The following NKAIN2 variants were observed in gnomAD, a reference collection of about 807,000 sequenced individuals.
NKAIN2 encodes the protein sodium/potassium transporting ATPase interacting 2, also known as sodium/potassium-transporting ATPase subunit beta-1-interacting protein 2.
Under a neutral mutation model 32.6 loss-of-function variants are expected in NKAIN2, and 14 were observed. The observed-to-expected ratio is 0.43, with a 90% confidence interval of 0.28 to 0.67. The LOEUF (loss-of-function observed/expected upper bound fraction) is 0.67. Among genes scored for constraint, NKAIN2 ranks in the 30% least tolerant of loss-of-function variants. NKAIN2 has a pLI of 0.17. For missense variants in NKAIN2, 198 were observed against 258.3 expected, an observed-to-expected ratio of 0.77 and a Z score of 1.60; for synonymous variants, 80 against 87.2, an observed-to-expected ratio of 0.92 and a Z score of 0.46.
chr6:124,408,602 T>C (rs1309519354), intron 3 of NKAIN2, among the ~76,000 whole-genome samples: 1 of 152,206 alleles, frequency 6.6e-6, no homozygotes, highest in African/African-American at 2.4e-5. Context: ...TACTGTAGCC[T>C]TGTAGTAAAG....
intron 1 of NKAIN2, among the ~76,000 whole-genome samples, chr6:123,960,533 G>C (rs903245031): frequency 1.3e-5 from 2 of 151,704 alleles, no homozygotes; most frequent in African/African-American, 4.8e-5. Context: ...ACCTCCTTGA[G>C]CCATTCTTGA....
intron 3 of NKAIN2, among the ~76,000 whole-genome samples, chr6:124,570,957 G>A (rs1036784642): frequency 6.6e-6 from 1 of 152,160 alleles, no homozygotes; most frequent in Non-Finnish European, 1.5e-5. Flanking sequence ...AGGCAGAGCT[G>A]CCCAAGACCA....
At chr6:124,461,236 ACT>A (rs1384004944) in intron 3 of NKAIN2, among the ~76,000 whole-genome samples, 1 of 151,606 alleles carries the variant, frequency 6.6e-6, no homozygotes, top group East Asian at 1.9e-4. Context: ...GTATAAAATG[ACT>A]CTACAAAATT....
At chr6:124,466,595 G>T in intron 3 of NKAIN2, among the ~76,000 whole-genome samples, 1 of 151,910 alleles carries the variant, frequency 6.6e-6, no homozygotes, top group East Asian at 1.9e-4. Context: ...AGAGTCTGAA[G>T]ATGAGAATTA....
At chr6:124,167,331 G>C (rs2114482223) in intron 1 of NKAIN2, among the ~76,000 whole-genome samples, 1 of 150,928 alleles carries the variant, frequency 6.6e-6, no homozygotes, top group South Asian at 2.1e-4. Context: ...TCTGTTATTG[G>C]TGTATAAGAA....
intron 1 of NKAIN2, among the ~76,000 whole-genome samples, chr6:123,810,229 G>A (rs567160957): frequency 1.5e-4 from 23 of 151,936 alleles, no homozygotes; most frequent in Non-Finnish European, 2.6e-4. Flanking sequence ...ATTCAAACCC[G>A]GGTCTGTCTG....
chr6:123,814,815 G>T (rs1223900485), intron 1 of NKAIN2, among the ~76,000 whole-genome samples: 1 of 152,116 alleles, frequency 6.6e-6, no homozygotes, highest in East Asian at 1.9e-4. Context: ...AAATTTACAT[G>T]CAATGGATGA....
At chr6:123,901,600 G>A (rs532580899) in intron 1 of NKAIN2, among the ~76,000 whole-genome samples, 2 of 152,054 alleles carry the variant, frequency 1.3e-5, no homozygotes, top group Non-Finnish European at 2.9e-5. Flanking sequence ...TAAATTTATG[G>A]TAGACATTTC....
intron 1 of NKAIN2, among the ~76,000 whole-genome samples, chr6:124,254,352 A>G (rs1793826304): frequency 6.6e-6 from 1 of 152,218 alleles, no homozygotes; most frequent in Admixed American, 6.5e-5. Context: ...CATCCCTATG[A>G]GAGCAACATC....
chr6:124,596,878 C>T lies in NKAIN2; in HGVS notation c.274-61308C>T, dbSNP rs570512776. 1.6e-4 allele frequency among the ~76,000 whole-genome samples: 25 copies of T among 152,108 alleles called. No individual in the cohort carries two copies. The South Asian group carries it at 5.2e-3, about 32-fold the overall frequency. ...CAATGGTAGAGTTCCAGTTCCAGTA[C>T]AAATGTCCAAAGGCCTGAGAAGCAG... is the stretch of plus-strand genomic sequence containing the variant. On this transcript the variant is annotated intron_variant, in intron 3 of 6. Transcript: ENST00000368417.
intron 5 of NKAIN2, among the ~76,000 whole-genome samples, chr6:124,805,211 C>A (rs1336416029): frequency 6.6e-6 from 1 of 152,166 alleles, no homozygotes; most frequent in African/African-American, 2.4e-5. Context: ...TGACCCCTGA[C>A]CCCTGAGCAG....
intron 1 of NKAIN2, among the ~76,000 whole-genome samples, chr6:124,233,990 G>A (rs918546014): frequency 6.6e-6 from 1 of 152,120 alleles, no homozygotes; most frequent in African/African-American, 2.4e-5. Context: ...CGTCTATGCT[G>A]TAGGCTTTGT....
chr6:124,139,844 C>A (rs2114323777), intron 1 of NKAIN2, among the ~76,000 whole-genome samples: 1 of 152,234 alleles, frequency 6.6e-6, no homozygotes, highest in Middle Eastern at 3.4e-3. Context: ...TTTCTCTTTC[C>A]TTTTCTTGGA....
At chr6:123,873,510 G>A (rs1340108914) in intron 1 of NKAIN2, among the ~76,000 whole-genome samples, 1 of 152,182 alleles carries the variant, frequency 6.6e-6, no homozygotes, top group African/African-American at 2.4e-5. Flanking sequence ...GCACTGACGT[G>A]ATCTTTATAT....
chr6:123,933,041 C>T (rs1044701159), intron 1 of NKAIN2, among the ~76,000 whole-genome samples: 2 of 152,184 alleles, frequency 1.3e-5, no homozygotes, highest in African/African-American at 4.8e-5. Context: ...CTGTTACCAA[C>T]ATCAGCAATT....
rs78217132 is a variant in NKAIN2, at chr6:124,380,276, G to T, written c.273+24929G>T. On this transcript the variant is annotated intron_variant, in intron 3 of 6. Transcript: ENST00000368417. ...ACTATGCTATTGTCAAGATGCTGAG[G>T]TTGAAAGAATCTCCCCTGCAATTCA... Among the ~76,000 whole-genome samples, 166 of 152,254 alleles carry T rather than the reference G, an allele frequency of 1.1e-3. 1 individual carries two copies. The East Asian group carries it at 0.027, about 24-fold the overall frequency.
intron 1 of NKAIN2, among the ~76,000 whole-genome samples, chr6:124,204,700 A>G (rs891658969): frequency 2.6e-5 from 4 of 151,756 alleles, no homozygotes; most frequent in Middle Eastern, 3.2e-3. Flanking sequence ...GAAATTGTTC[A>G]TGATTAGATT....
intron 3 of NKAIN2, among the ~76,000 whole-genome samples, chr6:124,371,726 A>G (rs1441561697): frequency 6.6e-6 from 1 of 151,546 alleles, no homozygotes; most frequent in African/African-American, 2.4e-5. Flanking sequence ...AGAAAGGAAA[A>G]AAAAGAGTGT....
chr6:124,621,776 T>C (rs979321586), intron 3 of NKAIN2, among the ~76,000 whole-genome samples: 1 of 152,128 alleles, frequency 6.6e-6, no homozygotes, highest in Non-Finnish European at 1.5e-5. Context: ...AATAAGAGTT[T>C]TCTTACCTTT....
Sources: allele counts gnomAD v4.1 joint callset (sites outside exome capture counted in the v4.1 genomes callset), GRCh38; gene constraint gnomAD v4.1.1; transcripts MANE v1.5; gene names NCBI Gene and HGNC (gene_info 2026-07-23, HGNC 2026-07-21).